The following DGKH variants were observed in gnomAD, a reference collection of about 807,000 sequenced individuals.
The protein encoded by DGKH is diacylglycerol kinase eta.
Under a neutral mutation model 159.3 loss-of-function variants are expected in DGKH, and 90 were observed. The observed-to-expected ratio is 0.57, with a 90% CI of 0.48 to 0.67. DGKH has a LOEUF of 0.67. DGKH is among the 30% of genes least tolerant of loss of function. The probability of loss-of-function intolerance (pLI) is 0.00; values close to 1 mark genes in which losing one functional copy is unlikely to be tolerated. For missense variants in DGKH, 1,181 were observed against 1,506.1 expected (o/e 0.78, Z 3.57); for synonymous variants, 536 against 553.8 (o/e 0.97, Z 0.45).
At position 42,215,576 on chromosome 13, in the gene DGKH, G is replaced by A; in HGVS notation, c.3122G>A (p.Ser1041Asn). 6.2e-7 allele frequency: 1 copy of A among 1,606,792 alleles called. No individual in the cohort carries two copies. Among genetic ancestry groups the A allele is most frequent in the Non-Finnish European group, 8.5e-7 (1 of 1,175,274 alleles). ...LNKANPRCPE[S>N]LTRDTATEIA... Reference sequence around the variant, plus strand: ...GTCTTTGATATTCTTCTTTTCTAGAGTCTTACAAGAGACACTGCCACTGAA... The same window carrying A: ...GTCTTTGATATTCTTCTTTTCTAGAATCTTACAAGAGACACTGCCACTGAA... Residue 1041 changes from serine to asparagine, a missense_variant and splice_region_variant, in exon 26 of 30, where the codon AGT (serine) becomes AAT (asparagine). Physicochemically the swap from Ser to Asn is conservative, Grantham distance 46. Around this residue, in one of 5 missense-constraint regions of DGKH, gnomAD observed 335 missense variants for 495.2 expected, o/e 0.68. Coordinates refer to ENST00000337343, the MANE Select transcript of DGKH (RefSeq NM_178009.5).
At chr13:42,155,503 CT>C in intron 4 of DGKH, 108 bp downstream of exon 4, 2 of 1,486,744 alleles carry the variant, frequency 1.3e-6, no homozygotes, top group East Asian at 4.5e-5. Context: ...CATTCAGCAA[CT>C]TGTTTAAACC....
At chr13:42,131,988 G>C (rs950996033) in intron 3 of DGKH, among the ~76,000 whole-genome samples, 4 of 152,186 alleles carry the variant, frequency 2.6e-5, no homozygotes, top group Admixed American at 2.6e-4. Context: ...GTGGGGTAGG[G>C]TGAGATAGAA....
intron 1 of DGKH, among the ~76,000 whole-genome samples, chr13:42,089,622 A>T: frequency 6.6e-6 from 1 of 152,108 alleles, no homozygotes; most frequent in East Asian, 1.9e-4. Context: ...AACAGCAGCA[A>T]TATCTAATTT....
At chr13:42,125,696 C>T (rs1304776024) in intron 1 of DGKH, among the ~76,000 whole-genome samples, 3 of 152,156 alleles carry the variant, frequency 2.0e-5, no homozygotes, top group Non-Finnish European at 4.4e-5. Flanking sequence ...TAAATATTAA[C>T]TCAACTTAAC....
chr13:42,136,528 C>T (rs1955406069), intron 3 of DGKH, among the ~76,000 whole-genome samples: 1 of 152,160 alleles, frequency 6.6e-6, no homozygotes, highest in Non-Finnish European at 1.5e-5. Context: ...ATTAGGCTAA[C>T]TCTTAAATGA....
intron 1 of DGKH, among the ~76,000 whole-genome samples, chr13:42,080,681 T>C (rs1954183564): frequency 6.6e-6 from 1 of 152,178 alleles, no homozygotes; most frequent in Non-Finnish European, 1.5e-5. Flanking sequence ...TAACAAATAA[T>C]CTTTGTGACT....
At chr13:42,215,398 A>G (rs1282234887) in intron 25 of DGKH, among the ~76,000 whole-genome samples, 177 bp from the exon 26 acceptor site, 1 of 152,200 alleles carries the variant, frequency 6.6e-6, no homozygotes, top group Non-Finnish European at 1.5e-5. Flanking sequence ...GTTCTGTAAT[A>G]TAATAATAAT....
rs1414623690 is a variant in DGKH at position 42,127,664 on chromosome 13, A to G, written c.303+91A>G. 6 of 919,500 alleles carry G rather than the reference A, an allele frequency of 6.5e-6. No individual in the cohort carries two copies. In the Admixed American group the frequency reaches 1.3e-4, roughly 19 times the overall value. 57.0% of individuals were successfully genotyped at this position (919,500 alleles called of 1,614,324 possible). Reference sequence around the variant, plus strand: ...TAAGCTGTTTTTGTCTTGGAAGCGCACTGTAGCATTATGCTCTTATATGAA... The same window carrying G: ...TAAGCTGTTTTTGTCTTGGAAGCGCGCTGTAGCATTATGCTCTTATATGAA... On this transcript the variant is annotated intron_variant, in intron 2 of 29. Transcript: ENST00000337343.
chr13:42,242,594 A>G lies in DGKH; in HGVS notation c.*13406A>G, dbSNP rs1958534754. ...TGAGATATTTATTGCCTACTATTTT[A>G]AAGATGTTTTATGTGTTTTCACCTT... On this transcript the variant is annotated 3_prime_UTR_variant, in exon 30 of 30. Transcript: ENST00000337343. 6.6e-6 allele frequency: 1 copy of G among 152,224 alleles called. No homozygotes were observed. Among genetic ancestry groups the G allele is most frequent in the Non-Finnish European group, 1.5e-5 (1 of 68,024 alleles). The allele number at this position is 152,224 out of a possible 1,614,324, so 9.4% of individuals were successfully genotyped here. A position where few individuals can be genotyped will look rare whatever the true frequency, so the allele number is the denominator to read the frequency against.
intron 1 of DGKH, among the ~76,000 whole-genome samples, chr13:42,060,681 A>G (rs1350818243): frequency 2.0e-5 from 3 of 152,202 alleles, no homozygotes; most frequent in Non-Finnish European, 4.4e-5. Context: ...TTAGAAGTGT[A>G]TGAAAGAGAC....
downstream of DGKH, among the ~76,000 whole-genome samples, chr13:42,245,670 C>A (rs1267258134): frequency 6.6e-6 from 1 of 152,084 alleles, no homozygotes; most frequent in African/African-American, 2.4e-5. Context: ...ACTGCAACCA[C>A]CGCCTCCCAG....
At position 42,074,377 on chromosome 13, in the gene DGKH, A is replaced by G. The variant is rs1437105414; in HGVS notation, c.192+25412A>G. On this transcript the variant is annotated intron_variant, in intron 1 of 29. Coordinates refer to ENST00000337343, the MANE Select transcript of DGKH (RefSeq NM_178009.5). ...TATCAAAATTTCCATCCTGAGGATG[A>G]TAAAAGTTCAGGTATCTCATTCCAA... 2.0e-5 allele frequency among the ~76,000 whole-genome samples: 3 copies of G among 152,354 alleles called. No individual in the cohort carries two copies. In the East Asian group the frequency reaches 5.8e-4, roughly 29 times the overall value.
At chr13:42,190,653 TA>T in intron 16 of DGKH, 128 bp downstream of exon 16, 2 of 870,702 alleles carry the variant, frequency 2.3e-6, no homozygotes, top group Non-Finnish European at 3.3e-6. Flanking sequence ...TTTTGGAAGT[TA>T]AAGCTTAGAT....
At chr13:42,093,678 T>C (rs1300008187) in intron 1 of DGKH, among the ~76,000 whole-genome samples, 1 of 152,216 alleles carries the variant, frequency 6.6e-6, no homozygotes, top group Non-Finnish European at 1.5e-5. Flanking sequence ...TTTTCAGCCT[T>C]AAACAGGAAG....
chr13:42,253,719 T>C (rs1053073685), intron 30 of DGKH, among the ~76,000 whole-genome samples: 1 of 152,336 alleles, frequency 6.6e-6, no homozygotes, highest in Middle Eastern at 3.4e-3. Context: ...TAAAATCTGA[T>C]TCTGTGATAA....
intron 8 of DGKH, among the ~76,000 whole-genome samples, chr13:42,166,048 A>C (rs990687961): frequency 1.3e-5 from 2 of 152,112 alleles, no homozygotes; most frequent in Non-Finnish European, 1.5e-5. Flanking sequence ...CAATTCCCCC[A>C]AAATATACAG....
Position 42,221,316 on chromosome 13 carries a change from G to A in DGKH, c.3495G>A (p.Leu1165=). ...CTGCTTGGCTGGATCTGCTCAATTT[G>A]GGAGAGTACAAAGATATCTTCATCC... ...EVAAWLDLLN[L]GEYKDIFIRH... Residue 1165 remains leucine (L), a synonymous_variant, in exon 29 of 30, where the codon TTG becomes TTA. Transcript: ENST00000337343. 1.9e-6 allele frequency: 3 copies of A among 1,613,726 alleles called. No homozygotes were observed. The highest frequency in any genetic ancestry group is 2.5e-6 in the Non-Finnish European group (3 of 1,179,696).
intron 1 of DGKH, among the ~76,000 whole-genome samples, chr13:42,109,747 T>G (rs1182734443): frequency 6.6e-6 from 1 of 152,192 alleles, no homozygotes; most frequent in East Asian, 1.9e-4. Flanking sequence ...CATTTCTTGG[T>G]TCCATGCTAA....
intron 1 of DGKH, among the ~76,000 whole-genome samples, chr13:42,072,011 T>C (rs1299500555): frequency 6.6e-6 from 1 of 152,242 alleles, no homozygotes; most frequent in Non-Finnish European, 1.5e-5. Context: ...CACTACTCAG[T>C]GTTTATGTAA....
Sources: gnomAD v4.1 joint callset for allele counts (sites outside exome capture counted in the v4.1 genomes callset) on GRCh38, gnomAD v4.1.1 for gene constraint, gnomAD v4.1.1 regional missense constraint, MANE v1.5 for transcripts, NCBI Gene and HGNC (gene_info 2026-07-23, HGNC 2026-07-21) for gene names.